Variants in TSNARE1 observed in about 807,000 individuals in gnomAD.
TSNARE1 encodes t-SNARE domain-containing protein 1.
In TSNARE1, 49 loss-of-function variants were observed where a neutral mutation model predicts 62.0. That is an observed-to-expected ratio of 0.79 (90% CI 0.63 to 1.00). The LOEUF is 1.00. TSNARE1 is among the 50% of genes least tolerant of loss of function. The pLI is 0.00. For missense variants in TSNARE1, 755 were observed against 700.1 expected, an observed-to-expected ratio of 1.08 and a Z score of -0.88; for synonymous variants, 328 against 294.4, an observed-to-expected ratio of 1.11 and a Z score of -1.17.
At chr8:142,365,262 G>A (rs543898656) in intron 1 of TSNARE1, among the ~76,000 whole-genome samples, 8 of 152,224 alleles carry the variant, frequency 5.3e-5, no homozygotes, top group African/African-American at 1.2e-4. Flanking sequence ...AGAACTCACC[G>A]GCCATCTTCA....
intron 13 of TSNARE1, among the ~76,000 whole-genome samples, chr8:142,215,476 G>T (rs1315626916): frequency 6.6e-6 from 1 of 152,212 alleles, no homozygotes; most frequent in East Asian, 1.9e-4. Context: ...TGTCCCCCAA[G>T]ATTGGGAACT....
intron 9 of TSNARE1, among the ~76,000 whole-genome samples, chr8:142,313,663 GTGTC>G (rs574344015): frequency 1.3e-3 from 195 of 151,666 alleles, no homozygotes; most frequent in African/African-American, 4.4e-3. Flanking sequence ...AAGTCTCTGT[GTGTC>G]TGTGTCTCTG....
intron 13 of TSNARE1, among the ~76,000 whole-genome samples, chr8:142,227,996 C>T (rs1816920505): frequency 6.6e-6 from 1 of 152,202 alleles, no homozygotes; most frequent in South Asian, 2.1e-4. Flanking sequence ...CACCCTGTTC[C>T]CTTGCCAGCC....
chr8:142,221,287 T>C (rs932617805), intron 13 of TSNARE1, among the ~76,000 whole-genome samples: 2 of 152,212 alleles, frequency 1.3e-5, no homozygotes, highest in East Asian at 3.9e-4. Flanking sequence ...CCTTCTGGGA[T>C]AGCCAGCGCA....
At chr8:142,283,372 T>C (rs1348339728) in intron 11 of TSNARE1, among the ~76,000 whole-genome samples, 1 of 151,096 alleles carries the variant, frequency 6.6e-6, no homozygotes, top group Non-Finnish European at 1.5e-5. Flanking sequence ...GTGGGGCCAG[T>C]GTCTGTCAAT....
At chr8:142,250,696 C>T (rs903666888) in intron 12 of TSNARE1, among the ~76,000 whole-genome samples, 1 of 152,208 alleles carries the variant, frequency 6.6e-6, no homozygotes, top group Admixed American at 6.5e-5. Flanking sequence ...CAGGCGCTTG[C>T]AGACGTGGGG....
chr8:142,292,243 G>C (rs1302450584), intron 10 of TSNARE1, among the ~76,000 whole-genome samples: 1 of 152,182 alleles, frequency 6.6e-6, no homozygotes, highest in Non-Finnish European at 1.5e-5. Context: ...CTAGTGGACA[G>C]GGAAAGCAGT....
At chr8:142,355,963 A>T (rs1834699058) in intron 1 of TSNARE1, among the ~76,000 whole-genome samples, 1 of 152,198 alleles carries the variant, frequency 6.6e-6, no homozygotes, top group East Asian at 1.9e-4. Flanking sequence ...GGACCCAAAC[A>T]GCTCTGGTTG....
chr8:142,256,181 CCACCACCATCAT>C (rs1818526760), intron 12 of TSNARE1, among the ~76,000 whole-genome samples: 1 of 134,708 alleles, frequency 7.4e-6, no homozygotes, highest in Middle Eastern at 4.1e-3. Flanking sequence ...ATCACCATCA[CCACCACCATCAT>C]CACCACCACC....
intron 1 of TSNARE1, among the ~76,000 whole-genome samples, chr8:142,379,167 C>T (rs1306542970): frequency 3.3e-5 from 5 of 152,222 alleles, no homozygotes; most frequent in Admixed American, 2.6e-4. Flanking sequence ...GCAGCAGATG[C>T]GGCCTCAAAT....
intron 1 of TSNARE1, chr8:142,366,021 A>G (rs1399435165): frequency 4.6e-5 from 18 of 389,130 alleles, no homozygotes; most frequent in Non-Finnish European, 8.0e-5. Context: ...CAGGACACTG[A>G]AAATGAAGGA....
chr8:142,246,676 G>A (rs1224048676), intron 12 of TSNARE1, among the ~76,000 whole-genome samples: 1 of 152,148 alleles, frequency 6.6e-6, no homozygotes, highest in Admixed American at 6.5e-5. Flanking sequence ...CCCCGTGGAG[G>A]CTGGCAGAAC....
chr8:142,356,052 A>G (rs1467799561), intron 1 of TSNARE1, among the ~76,000 whole-genome samples: 2 of 152,252 alleles, frequency 1.3e-5, no homozygotes, highest in African/African-American at 2.4e-5. Flanking sequence ...CTCATTTTAA[A>G]TAACAAAGCT....
At chr8:142,379,367 C>T (rs1487863926) in intron 1 of TSNARE1, among the ~76,000 whole-genome samples, 5 of 152,212 alleles carry the variant, frequency 3.3e-5, no homozygotes, top group African/African-American at 1.2e-4. Flanking sequence ...ACTCGTGCTG[C>T]GCTCATGTCT....
At chr8:142,331,482 C>A (rs1341456844) in intron 5 of TSNARE1, among the ~76,000 whole-genome samples, 1 of 152,198 alleles carries the variant, frequency 6.6e-6, no homozygotes, top group African/African-American at 2.4e-5. Context: ...GGGCAGCAGG[C>A]AGGAGCAGCC....
At chr8:142,318,312 T>C (rs572917854) in intron 7 of TSNARE1, among the ~76,000 whole-genome samples, 2 of 152,142 alleles carry the variant, frequency 1.3e-5, no homozygotes, top group East Asian at 3.9e-4. Context: ...ACAGCAAGAG[T>C]TCAGGTGGCC....
chr8:142,277,003 T>C (rs780483358), intron 11 of TSNARE1: 9 of 985,422 alleles, frequency 9.1e-6, no homozygotes, highest in Non-Finnish European at 1.1e-5. Flanking sequence ...CCCGGTGCTG[T>C]GCGGCCGCGT....
intron 4 of TSNARE1, among the ~76,000 whole-genome samples, 192 bp downstream of exon 4, chr8:142,343,774 G>A (rs1832924137): frequency 1.2e-5 from 1 of 85,456 alleles, no homozygotes; most frequent in South Asian, 4.1e-4. Context: ...GGGGAGAAGA[G>A]GAGGAGGAGG....
At chr8:142,253,260 G>C (rs545013484) in intron 12 of TSNARE1, among the ~76,000 whole-genome samples, 1 of 152,346 alleles carries the variant, frequency 6.6e-6, no homozygotes, top group South Asian at 2.1e-4. Context: ...TGCAGAAGCA[G>C]GGCCGCTGGG....
Sources: gnomAD v4.1 joint callset for allele counts (sites outside exome capture counted in the v4.1 genomes callset) on GRCh38, gnomAD v4.1.1 for gene constraint, MANE v1.5 for transcripts, NCBI Gene and HGNC (gene_info 2026-07-23, HGNC 2026-07-21) for gene names.